Variants in TNKS observed in about 807,000 individuals in gnomAD.
TNKS encodes the protein tankyrase, also known as poly [ADP-ribose] polymerase tankyrase-1.
A neutral mutation model predicts 135.8 loss-of-function variants in TNKS; 72 were observed. The ratio of observed to expected loss-of-function variants is 0.53; its 90% CI spans 0.44 to 0.64. TNKS has a LOEUF of 0.64. Ranked by LOEUF, TNKS falls within the 30% of genes least tolerant of loss-of-function variation. The probability of loss-of-function intolerance (pLI) is 0.00; values close to 1 mark genes in which losing one functional copy is unlikely to be tolerated. For synonymous variants in TNKS, 849 were observed against 649.3 expected (o/e 1.31, Z -4.68); for missense variants, 1,769 against 1,674.0 (o/e 1.06, Z -0.99).
rs1289361924 is a variant in TNKS, at chr8:9,765,695, C to G, written c.3451C>G (p.Gln1151Glu). The change falls in exon 24 of 27, where the codon CAA becomes GAA. Residue 1151 changes from glutamine (Q) to glutamate (E), a missense_variant. This residue lies in a region of TNKS where 722 missense variants were observed against 688.9 expected (regional missense o/e 1.05). Transcript: ENST00000310430. ...TCTTTCTTCTTCATCCTTAAAGATT[C>G]AAAAAGTTGTCAACAAGAAGTTGAG... ...IFNRYNVIRIQKVVNKKLRER... is the reference protein window; with the variant it reads ...IFNRYNVIRIEKVVNKKLRER... 3 of 1,613,124 alleles carry G rather than the reference C, an allele frequency of 1.9e-6. No individual in the cohort carries two copies. The highest frequency in any genetic ancestry group is 2.5e-6 in the Non-Finnish European group (3 of 1,179,336).
In TNKS at chr8:9,587,402, T is replaced by TC. The variant is rs1798424251; in HGVS notation, c.898+7019_898+7020insC. On this transcript the variant is annotated intron_variant, in intron 2 of 26. Transcript: ENST00000310430. Reference sequence around the variant, plus strand: ...TCAGCCTTGCCGACACCTTGATTTTTTTTTTTTTTTTTCTTCAAATGGAGT... The same window carrying TC: ...TCAGCCTTGCCGACACCTTGATTTTTCTTTTTTTTTTTTCTTCAAATGGAGT... 5.3e-5 allele frequency among the ~76,000 whole-genome samples: 8 copies of TC among 151,758 alleles called. No individual in the cohort carries two copies. In the South Asian group the frequency reaches 1.7e-3, roughly 32 times the overall value.
chr8:9,770,211 G>A lies in TNKS; in HGVS notation c.3846G>A (p.Pro1282=), dbSNP rs144079466. Residue 1282 remains proline, a synonymous_variant, in exon 26 of 27, where the codon CCG becomes CCA. Transcript: ENST00000310430. The part of the protein sequence containing the change: ...PPGHHSVIGR[P]SVNGLAYAEY... ...GGCACCACTCAGTCATTGGTAGACC[G>A]AGCGTCAATGGGCTGGCATATGCTG... 70 of 1,613,284 alleles carry A rather than the reference G, an allele frequency of 4.3e-5. No individual in the cohort carries two copies. In the African/African-American group the frequency reaches 7.9e-4, roughly 18 times the overall value.
intron 3 of TNKS, among the ~76,000 whole-genome samples, chr8:9,646,631 T>A (rs1800929761): frequency 6.6e-6 from 1 of 152,208 alleles, no homozygotes; most frequent in Non-Finnish European, 1.5e-5. Context: ...ACTCATGGAA[T>A]CTCAAGGTTA....
chr8:9,687,372 G>T (rs944204371), intron 5 of TNKS, among the ~76,000 whole-genome samples: 3 of 152,266 alleles, frequency 2.0e-5, no homozygotes, highest in South Asian at 4.1e-4. Flanking sequence ...TCTTACTGTA[G>T]TGCCAAAATC....
intron 18 of TNKS, among the ~76,000 whole-genome samples, chr8:9,749,339 TA>T (rs1806397933): frequency 6.6e-6 from 1 of 152,180 alleles, no homozygotes; most frequent in Non-Finnish European, 1.5e-5. Context: ...TTAGCAATTC[TA>T]AAATTCAGCC....
intron 17 of TNKS, chr8:9,740,826 G>GTTTTTTTTTTTTTTT (rs66865048): frequency 3.9e-5 from 4 of 103,580 alleles, no homozygotes; most frequent in Non-Finnish European, 5.4e-5. Flanking sequence ...AATTCTTGTT[G>GTTTTTTTTTTTTTTT]TTTTTTTTTT....
chr8:9,639,515 A>G (rs1322834926), intron 3 of TNKS, among the ~76,000 whole-genome samples: 14 of 146,582 alleles, frequency 9.6e-5, no homozygotes, highest in Non-Finnish European at 1.8e-4. Context: ...TTGTTTATCT[A>G]AGCCTTTTTT....
intron 3 of TNKS, among the ~76,000 whole-genome samples, chr8:9,663,863 C>T (rs1563152388): frequency 1.3e-5 from 2 of 152,202 alleles, no homozygotes; most frequent in Admixed American, 6.5e-5. Flanking sequence ...TTCCTAGCAC[C>T]TCCACACGTT....
At chr8:9,617,730 AGAGTT>A (rs1288469005) in intron 3 of TNKS, among the ~76,000 whole-genome samples, 8 of 152,208 alleles carry the variant, frequency 5.3e-5, no homozygotes, top group African/African-American at 1.7e-4. Flanking sequence ...GGAATGCCTT[AGAGTT>A]ATTAGAGATC....
chr8:9,577,580 A>C (rs759797100), intron 1 of TNKS, among the ~76,000 whole-genome samples: 11 of 152,098 alleles, frequency 7.2e-5, no homozygotes, highest in Non-Finnish European at 1.5e-4. Flanking sequence ...ACTTTTAAAC[A>C]ACCAGATCTT....
chr8:9,741,897 A>C (rs543751336), intron 17 of TNKS: 2 of 232,264 alleles, frequency 8.6e-6, no homozygotes, highest in African/African-American at 2.2e-5. Flanking sequence ...ATCACCCATA[A>C]CTCCCCTTCT....
intron 2 of TNKS, among the ~76,000 whole-genome samples, chr8:9,610,688 C>CGTT (rs745930211): frequency 9.9e-5 from 15 of 152,074 alleles, no homozygotes; most frequent in Non-Finnish European, 2.1e-4. Flanking sequence ...ATTCTTAAAG[C>CGTT]ATTAGATGCT....
chr8:9,704,786 T>C, intron 6 of TNKS, 29 bp downstream of exon 6: 1 of 1,578,416 alleles, frequency 6.3e-7, no homozygotes, highest in South Asian at 1.1e-5. Flanking sequence ...TTCCTGTCAG[T>C]GCTTTGTTTT....
At position 9,660,725 on chromosome 8, in the gene TNKS, A is replaced by G. The variant is rs557131549; in HGVS notation, c.995-19226A>G. On this transcript the variant is annotated intron_variant, in intron 3 of 26. Coordinates refer to ENST00000310430, the MANE Select transcript of TNKS (RefSeq NM_003747.3). ...CAGTCCTATTCAACATAGTGTTGGA[A>G]GTCCTGGCCAGGGCAATCAGGCAGG... 1.3e-3 allele frequency among the ~76,000 whole-genome samples: 201 copies of G among 152,294 alleles called. 2 individuals are homozygous for G. In the South Asian group the frequency reaches 0.03, roughly 23 times the overall value.
intron 2 of TNKS, among the ~76,000 whole-genome samples, chr8:9,612,621 TTAAG>T (rs1364531704): frequency 1.3e-5 from 2 of 152,166 alleles, no homozygotes; most frequent in Admixed American, 1.3e-4. Context: ...TTCAAAGTCC[TTAAG>T]TAAGATTTTA....
intron 11 of TNKS, among the ~76,000 whole-genome samples, chr8:9,710,757 G>A (rs899248282): frequency 3.3e-5 from 5 of 152,060 alleles, no homozygotes; most frequent in Admixed American, 6.5e-5. Context: ...TTAGCCGGGC[G>A]TGGTGGCGGG....
intron 3 of TNKS, among the ~76,000 whole-genome samples, chr8:9,653,412 G>A (rs529301251): frequency 7.2e-4 from 109 of 152,118 alleles, no homozygotes; most frequent in Middle Eastern, 3.4e-3. Flanking sequence ...AGGGAGAGAG[G>A]TTTATTTAGC....
chr8:9,622,094 T>G (rs1403340103), intron 3 of TNKS, among the ~76,000 whole-genome samples: 1 of 152,248 alleles, frequency 6.6e-6, no homozygotes, highest in Non-Finnish European at 1.5e-5. Context: ...ATATTAAACG[T>G]GGTTGAAAGA....
intron 15 of TNKS, among the ~76,000 whole-genome samples, chr8:9,733,650 C>G (rs1318945231): frequency 6.6e-6 from 1 of 152,026 alleles, no homozygotes; most frequent in Non-Finnish European, 1.5e-5. Flanking sequence ...TGGTTTAAGT[C>G]CATGTCATAA....
Sources: gnomAD v4.1 joint callset for allele counts (sites outside exome capture counted in the v4.1 genomes callset) on GRCh38, gnomAD v4.1.1 for gene constraint, gnomAD v4.1.1 regional missense constraint, MANE v1.5 for transcripts, NCBI Gene and HGNC (gene_info 2026-07-23, HGNC 2026-07-21) for gene names.